The following PHLPP1 variants were observed in gnomAD, a reference collection of about 807,000 sequenced individuals.
PHLPP1 encodes PH domain leucine-rich repeat-containing protein phosphatase 1.
In PHLPP1, 42 loss-of-function variants were observed where a neutral mutation model predicts 117.2. That is an observed-to-expected ratio of 0.36 (90% CI 0.28 to 0.46). The LOEUF is 0.46. Among genes scored for constraint, PHLPP1 ranks in the 20% least tolerant of loss-of-function variants. PHLPP1 has a pLI of 1.00. For synonymous variants in PHLPP1, 1,042 were observed against 970.7 expected (o/e 1.07, Z -1.37); for missense variants, 2,084 against 2,241.9 (o/e 0.93, Z 1.42).
intron 3 of PHLPP1, among the ~76,000 whole-genome samples, chr18:62,858,119 A>G (rs1351554106): frequency 6.6e-6 from 1 of 152,230 alleles, no homozygotes; most frequent in Admixed American, 6.5e-5. Flanking sequence ...ACAGAAAGAT[A>G]AAATTGGTAA....
chr18:62,823,514 G>C (rs1306182120), intron 1 of PHLPP1, among the ~76,000 whole-genome samples: 4 of 151,744 alleles, frequency 2.6e-5, no homozygotes, highest in Non-Finnish European at 5.9e-5. Flanking sequence ...GTAGCAAGCT[G>C]TGATGGTGCC....
At chr18:62,904,144 G>A (rs1916791055) in intron 7 of PHLPP1, among the ~76,000 whole-genome samples, 2 of 152,232 alleles carry the variant, frequency 1.3e-5, no homozygotes, top group African/African-American at 4.8e-5. Flanking sequence ...ATTTTCTAGT[G>A]TAATCAGTTT....
At chr18:62,809,131 A>C (rs926076351) in intron 1 of PHLPP1, among the ~76,000 whole-genome samples, 1 of 152,234 alleles carries the variant, frequency 6.6e-6, no homozygotes, top group African/African-American at 2.4e-5. Context: ...TGAAGGCTAG[A>C]AGCCACCGCC....
chr18:62,826,121 T>C (rs1914606690), intron 1 of PHLPP1: 1 of 235,456 alleles, frequency 4.2e-6, no homozygotes, highest in African/African-American at 2.3e-5. Flanking sequence ...ACTACAGTTA[T>C]CTGACAAATC....
At chr18:62,752,746 G>A (rs1911898890) in intron 1 of PHLPP1, among the ~76,000 whole-genome samples, 1 of 152,122 alleles carries the variant, frequency 6.6e-6, no homozygotes, top group African/African-American at 2.4e-5. Context: ...TTCCACTCTT[G>A]TTACATGTTC....
At chr18:62,816,014 T>TATA (rs1435569677) in intron 1 of PHLPP1, among the ~76,000 whole-genome samples, 3 of 152,218 alleles carry the variant, frequency 2.0e-5, no homozygotes, top group African/African-American at 7.2e-5. Flanking sequence ...AGTGATTTCT[T>TATA]ATAATTGCAT....
At position 62,978,228 on chromosome 18, in the gene PHLPP1, T is replaced by C. The variant is rs978207488; in HGVS notation, c.3985-34T>C. 1 of 1,351,118 alleles carries C rather than the reference T, an allele frequency of 7.4e-7. No individual in the cohort carries two copies. Among genetic ancestry groups the C allele is most frequent in the African/African-American group, 1.4e-5 (1 of 69,968 alleles). 83.7% of individuals were successfully genotyped at this position (1,351,118 alleles called of 1,614,324 possible). The stretch of plus-strand genomic sequence containing the variant: ...GCACAGTTGCCGCAGGTGCTCTGTA[T>C]TAACTGTCTGTCTGCAAACCCTTGT... On this transcript the variant is annotated intron_variant, in intron 16 of 16. Coordinates refer to ENST00000262719, the MANE Select transcript of PHLPP1 (RefSeq NM_194449.4). The surrounding 1 kb of genome is among the most constrained non-coding windows in gnomAD (Gnocchi z 7.0).
At chr18:62,863,529 A>C (rs1446152347) in intron 4 of PHLPP1, among the ~76,000 whole-genome samples, 2 of 152,172 alleles carry the variant, frequency 1.3e-5, no homozygotes, top group East Asian at 3.9e-4. Context: ...TTATATGCTA[A>C]ATATAATCAG....
At chr18:62,822,858 C>A (rs1914507134) in intron 1 of PHLPP1, among the ~76,000 whole-genome samples, 1 of 152,170 alleles carries the variant, frequency 6.6e-6, no homozygotes, top group Non-Finnish European at 1.5e-5. Context: ...ACCTATATAA[C>A]TATTGGCAAC....
intron 3 of PHLPP1, among the ~76,000 whole-genome samples, chr18:62,843,641 A>G (rs1367564456): frequency 6.6e-6 from 1 of 151,472 alleles, no homozygotes. Flanking sequence ...GGATTACTAT[A>G]TTGGTTGTAA....
intron 4 of PHLPP1, 95 bp from the exon 5 acceptor site, chr18:62,894,916 G>A: frequency 1.9e-6 from 2 of 1,042,600 alleles, no homozygotes; most frequent in Non-Finnish European, 2.8e-6. Context: ...GTTGAATTTG[G>A]GAGTTGGGCT....
chr18:62,753,662 C>T (rs1256249366), intron 1 of PHLPP1, among the ~76,000 whole-genome samples: 1 of 152,172 alleles, frequency 6.6e-6, no homozygotes, highest in East Asian at 1.9e-4. Context: ...CATGCCCTGT[C>T]CATGCTGCCC....
intron 3 of PHLPP1, among the ~76,000 whole-genome samples, chr18:62,852,086 TCTGGGCTGGCCTCAATCTC>T (rs1181766065): frequency 5.9e-5 from 9 of 151,972 alleles, no homozygotes; most frequent in Admixed American, 5.9e-4. Flanking sequence ...TGCTGTGTTG[TCTGGGCTGGCCTCAATCTC>T]CTGGACTCAA....
At chr18:62,873,856 T>C (rs138290459) in intron 4 of PHLPP1, among the ~76,000 whole-genome samples, 2 of 152,234 alleles carry the variant, frequency 1.3e-5, no homozygotes, top group East Asian at 1.9e-4. Flanking sequence ...ATATTAAGCA[T>C]TGAAATAAAT....
At chr18:62,730,467 C>T (rs1911195866) in intron 1 of PHLPP1, among the ~76,000 whole-genome samples, 1 of 151,974 alleles carries the variant, frequency 6.6e-6, no homozygotes, top group South Asian at 2.1e-4. Flanking sequence ...ATAGTAAACC[C>T]CTTAACCTCC....
At chr18:62,977,668 C>T (rs768724493) in intron 16 of PHLPP1, among the ~76,000 whole-genome samples, 7 of 152,182 alleles carry the variant, frequency 4.6e-5, no homozygotes, top group Non-Finnish European at 8.8e-5. Context: ...TTTTCTCCAC[C>T]GCTTAAGTAC....
Position 62,715,771 on chromosome 18 carries a change from G to A in PHLPP1, c.88G>A (p.Ala30Thr), listed in dbSNP as rs1910700916. 2.3e-6 allele frequency: 2 copies of A among 861,614 alleles called. No homozygotes were observed. Among genetic ancestry groups the A allele is most frequent in the African/African-American group, 1.9e-5 (1 of 53,814 alleles). The allele number at this position is 861,614 out of a possible 1,614,324, so 53.4% of individuals were successfully genotyped here. Residue 30 changes from alanine (A) to threonine (T), a missense_variant, in exon 1 of 17, where the codon GCA (alanine) becomes ACA (threonine). By Grantham distance (58) the Ala-to-Thr change is moderately conservative. This residue lies in a region of PHLPP1 where 719 missense variants were observed against 636.0 expected (regional missense o/e 1.13). Coordinates refer to ENST00000262719, the MANE Select transcript of PHLPP1 (RefSeq NM_194449.4). Reference protein sequence around the residue: ...RASAPAAAAAAAAAAAAAAAA... With the variant: ...RASAPAAAAATAAAAAAAAAA... ...TTCGGCTCCGGCGGCCGCCGCTGCG[G>A]CAGCAGCAGCAGCAGCGGCGGCCGC...
chr18:62,717,681 T>A (rs1910801915), intron 1 of PHLPP1, among the ~76,000 whole-genome samples: 1 of 152,178 alleles, frequency 6.6e-6, no homozygotes, highest in South Asian at 2.1e-4. Flanking sequence ...CACTTTTGCC[T>A]GCATTTGACT....
intron 1 of PHLPP1, among the ~76,000 whole-genome samples, chr18:62,815,023 C>T (rs1914225453): frequency 6.6e-6 from 1 of 152,070 alleles, no homozygotes; most frequent in Non-Finnish European, 1.5e-5. Flanking sequence ...ATCTCTGAGT[C>T]AGGAATGCAG....
Sources: gnomAD v4.1 joint callset for allele counts (sites outside exome capture counted in the v4.1 genomes callset) on GRCh38, gnomAD v4.1.1 for gene constraint, gnomAD v4.1.1 regional missense constraint, Gnocchi (gnomAD v3.1) non-coding constraint, MANE v1.5 for transcripts, NCBI Gene and HGNC (gene_info 2026-07-23, HGNC 2026-07-21) for gene names.